Variants in PRKG1 observed in about 807,000 individuals in gnomAD.
The protein encoded by PRKG1 is protein kinase cGMP-dependent 1.
PRKG1 carries 35 observed loss-of-function variants against 88.1 expected under a neutral mutation model. The ratio of observed to expected loss-of-function variants is 0.40; its 90% CI spans 0.30 to 0.53. The LOEUF is 0.53. PRKG1 is among the 20% of genes least tolerant of loss of function. The pLI, the probability that PRKG1 is intolerant of heterozygous loss-of-function variation, is 0.59. For synonymous variants in PRKG1, 303 were observed against 292.5 expected (o/e 1.04, Z -0.37); for missense variants, 540 against 839.8 (o/e 0.64, Z 4.41).
intron 4 of PRKG1, among the ~76,000 whole-genome samples, chr10:51,830,554 T>A (rs1177523043): frequency 1.1e-5 from 1 of 93,580 alleles, no homozygotes. Context: ...AAGTGTTTTT[T>A]TTTTTGTTTT....
chr10:51,641,018 T>C (rs1442067003), intron 3 of PRKG1, among the ~76,000 whole-genome samples: 4 of 151,844 alleles, frequency 2.6e-5, no homozygotes, highest in Admixed American at 2.6e-4. Flanking sequence ...GTGGTCAAAG[T>C]GTAGATGAGG....
chr10:51,981,974 T>C (rs937929159), intron 5 of PRKG1, among the ~76,000 whole-genome samples: 1 of 152,186 alleles, frequency 6.6e-6, no homozygotes, highest in African/African-American at 2.4e-5. Flanking sequence ...TTGGTCTCTT[T>C]CCATGATCTC....
intron 9 of PRKG1, among the ~76,000 whole-genome samples, chr10:52,164,360 G>GTAAATAAATAAA (rs200650039): frequency 0.021 from 2,972 of 140,192 alleles, 58 homozygotes; most frequent in South Asian, 0.03. Flanking sequence ...TCAAAAATAA[G>GTAAATAAATAAA]TAAGTAAATA....
intron 2 of PRKG1, among the ~76,000 whole-genome samples, chr10:51,183,123 G>T (rs1292150003): frequency 2.0e-5 from 3 of 152,060 alleles, no homozygotes; most frequent in African/African-American, 7.2e-5. Flanking sequence ...GGGCTTTTTG[G>T]TAGAAATATT....
At chr10:51,957,011 C>T (rs1454418295) in intron 5 of PRKG1, among the ~76,000 whole-genome samples, 1 of 150,364 alleles carries the variant, frequency 6.7e-6, no homozygotes, top group Admixed American at 6.6e-5. Context: ...CTTTCTTTCT[C>T]TCTCTCTCTT....
intron 2 of PRKG1, among the ~76,000 whole-genome samples, chr10:51,232,524 A>G (rs1189401109): frequency 6.7e-6 from 1 of 149,054 alleles, no homozygotes; most frequent in East Asian, 2.0e-4. Context: ...ATAACAATAA[A>G]CATTTTACAC....
At chr10:51,554,857 CA>C (rs979207916) in intron 3 of PRKG1, among the ~76,000 whole-genome samples, 26 of 151,664 alleles carry the variant, frequency 1.7e-4, no homozygotes, top group African/African-American at 5.6e-4. Flanking sequence ...TGTAAAGCCT[CA>C]AAAAAATTTT....
intron 9 of PRKG1, among the ~76,000 whole-genome samples, chr10:52,199,544 A>C (rs1007874461): frequency 2.0e-5 from 3 of 152,136 alleles, no homozygotes; most frequent in African/African-American, 7.2e-5. Flanking sequence ...CTATCTTCTC[A>C]TAACTATTAT....
chr10:51,933,607 A>G (rs1367454817), intron 5 of PRKG1, among the ~76,000 whole-genome samples: 1 of 148,036 alleles, frequency 6.8e-6, no homozygotes, highest in Non-Finnish European at 1.5e-5. Flanking sequence ...TCTAGTTCTT[A>G]AATTTTAGCC....
At chr10:51,414,673 A>G (rs1838190591) in intron 2 of PRKG1, among the ~76,000 whole-genome samples, 1 of 152,234 alleles carries the variant, frequency 6.6e-6, no homozygotes, top group African/African-American at 2.4e-5. Context: ...CATTTGTATT[A>G]ATATCAAAAT....
chr10:51,648,390 C>A (rs2132309035), intron 3 of PRKG1, among the ~76,000 whole-genome samples: 1 of 152,308 alleles, frequency 6.6e-6, no homozygotes, highest in South Asian at 2.1e-4. Context: ...AATCATATGA[C>A]ACTGTATATT....
At chr10:51,660,293 C>T (rs1310028037) in intron 3 of PRKG1, among the ~76,000 whole-genome samples, 5 of 151,854 alleles carry the variant, frequency 3.3e-5, no homozygotes, top group African/African-American at 9.7e-5. Context: ...CCGGCAGCAC[C>T]GCCACCTTCA....
At position 52,293,944 on chromosome 10, in the gene PRKG1, T is replaced by C; in HGVS notation, c.*44T>C. The stretch of plus-strand genomic sequence containing the variant: ...TTCTGCCTTGCTGAAGACAGCTTTT[T>C]CTGAGACACAGCTGCCAGCAAACCT... On this transcript the variant is annotated 3_prime_UTR_variant, in exon 18 of 18. Coordinates refer to ENST00000373980, the MANE Select transcript of PRKG1 (RefSeq NM_006258.4). 1.3e-6 allele frequency: 2 copies of C among 1,511,738 alleles called. No homozygotes were observed. Among genetic ancestry groups the C allele is most frequent in the Non-Finnish European group, 1.8e-6 (2 of 1,091,690 alleles). The allele number at this position is 1,511,738 out of a possible 1,614,324, so 93.6% of individuals were successfully genotyped here. A position where few individuals can be genotyped will look rare whatever the true frequency, so the allele number is the denominator to read the frequency against.
chr10:51,795,684 T>C (rs1448944870), intron 3 of PRKG1, among the ~76,000 whole-genome samples: 1 of 152,054 alleles, frequency 6.6e-6, no homozygotes, highest in African/African-American at 2.4e-5. Flanking sequence ...CAAGCATCAG[T>C]AAAGTGGGGG....
rs368571406 is a variant in PRKG1, at chr10:51,907,508, G to T, written c.700G>T (p.Val234Phe). ...HTEYMEFLKS[V>F]PTFQSLPEEI... is the part of the protein sequence containing the mutation. ...GCACTATTCTGTTTTGTTTTTCAGC[G>T]TTCCAACATTCCAGAGCCTTCCTGA... The change falls in exon 5 of 18, where the codon GTT (valine) becomes TTT (phenylalanine). Residue 234 changes from valine (V) to phenylalanine (F), a missense_variant and splice_region_variant. Transcript: ENST00000373980. 2 of 1,612,280 alleles carry T rather than the reference G, an allele frequency of 1.2e-6. No homozygotes were observed. The highest frequency in any genetic ancestry group is 1.7e-6 in the Non-Finnish European group (2 of 1,178,996).
intron 5 of PRKG1, chr10:51,910,172 T>G (rs1390840395): frequency 3.9e-5 from 6 of 152,156 alleles, no homozygotes; most frequent in Non-Finnish European, 7.3e-5. Context: ...GAAGGAGAAT[T>G]AATTCCATGG....
At chr10:52,034,828 G>A (rs1480853313) in intron 5 of PRKG1, among the ~76,000 whole-genome samples, 2 of 152,094 alleles carry the variant, frequency 1.3e-5, no homozygotes, top group Non-Finnish European at 2.9e-5. Context: ...ATGAGACTGG[G>A]GCCTAATAAA....
chr10:51,914,227 A>T (rs1842287825), intron 5 of PRKG1, among the ~76,000 whole-genome samples: 1 of 152,192 alleles, frequency 6.6e-6, no homozygotes, highest in South Asian at 2.1e-4. Flanking sequence ...AAAATAAAAA[A>T]AAAAAAGTAT....
At chr10:51,813,687 A>G (rs1839514120) in intron 4 of PRKG1, among the ~76,000 whole-genome samples, 1 of 152,136 alleles carries the variant, frequency 6.6e-6, no homozygotes. Flanking sequence ...AATTCTGGAT[A>G]CCCAAATATT....
Sources: gnomAD v4.1 joint callset for allele counts (sites outside exome capture counted in the v4.1 genomes callset) on GRCh38, gnomAD v4.1.1 for gene constraint, MANE v1.5 for transcripts, NCBI Gene and HGNC (gene_info 2026-07-23, HGNC 2026-07-21) for gene names.